Variants in SNRPN observed in about 807,000 individuals in gnomAD.
SNRPN encodes small nuclear ribonucleoprotein-associated protein N.
Under a neutral mutation model 25.2 loss-of-function variants are expected in SNRPN, and 7 were observed. The ratio of observed to expected loss-of-function variants is 0.28; its 90% CI spans 0.16 to 0.52. The LOEUF is 0.52. SNRPN is among the 20% of genes least tolerant of loss of function. The pLI is 0.96. For synonymous variants in SNRPN, 124 were observed against 110.6 expected (o/e 1.12, Z -0.76); for missense variants, 196 against 322.5 (o/e 0.61, Z 3.00).
chr15:24,952,505 T>TA (rs1411420651), upstream of SNRPN, among the ~76,000 whole-genome samples: 1 of 152,192 alleles, frequency 6.6e-6, no homozygotes, highest in Non-Finnish European at 1.5e-5. Flanking sequence ...TATTATTAAC[T>TA]AACATAAAAT....
intron 3 of SNRPN, among the ~76,000 whole-genome samples, chr15:24,934,695 A>G (rs77812651): frequency 0.063 from 9,615 of 152,266 alleles, 382 homozygotes; most frequent in South Asian, 0.095. Context: ...AGCTGGAAGC[A>G]GAGGCGTGTG....
rs2060675572 is a variant in SNRPN, at chr15:24,929,753, G to T, written c.-391+9629G>T. 6.6e-6 allele frequency among the ~76,000 whole-genome samples: 1 copy of T among 152,154 alleles called. No individual in the cohort carries two copies. The highest frequency in any genetic ancestry group is 6.5e-5 in the Admixed American group (1 of 15,274). On this transcript the variant is annotated intron_variant, in intron 3 of 11. Transcript: ENST00000400097. The surrounding 1 kb of genome is among the most constrained non-coding windows in gnomAD (Gnocchi z 5.3). ...GAATGGTAGACAGCATGAGAGCAGG[G>T]TCCATGTGATGATTTTTCTGTCAGT...
intron 2 of SNRPN, among the ~76,000 whole-genome samples, chr15:24,907,696 T>G (rs970328588): frequency 2.0e-4 from 30 of 151,772 alleles, no homozygotes; most frequent in Non-Finnish European, 1.2e-4. Flanking sequence ...TCCTCCCACC[T>G]CGGCCTCCCA....
chr15:24,846,876 A>G (rs2052249104), intron 2 of SNRPN, among the ~76,000 whole-genome samples: 1 of 152,202 alleles, frequency 6.6e-6, no homozygotes, highest in Admixed American at 6.5e-5. Flanking sequence ...AATTGTTAAA[A>G]TGGGAATTTG....
intron 2 of SNRPN, among the ~76,000 whole-genome samples, chr15:24,848,134 C>G (rs1401782682): frequency 1.3e-5 from 2 of 150,412 alleles, no homozygotes; most frequent in Non-Finnish European, 3.0e-5. Flanking sequence ...CCTCACAGGG[C>G]GGCCCGCAGC....
At chr15:24,823,760 C>T (rs2049895901) in exon 1 of SNRPN, 1 of 152,170 alleles carries the variant, frequency 6.6e-6, no homozygotes, top group South Asian at 2.1e-4. Context: ...GGAATGCGGC[C>T]TTTTTGCATA....
At chr15:24,884,290 A>T (rs766930775) in intron 1 of SNRPN, among the ~76,000 whole-genome samples, 4 of 152,106 alleles carry the variant, frequency 2.6e-5, no homozygotes, top group Admixed American at 6.6e-5. Flanking sequence ...GGCATGATGG[A>T]TCCACGGCAC....
intron 2 of SNRPN, among the ~76,000 whole-genome samples, chr15:24,918,662 C>CATAATATATATGTGTGCATATAT (rs2059755648): frequency 1.0e-5 from 1 of 95,422 alleles, no homozygotes; most frequent in Non-Finnish European, 2.0e-5. Context: ...ATATATATAA[C>CATAATATATATGTGTGCATATAT]ATAATATATA....
rs150423983 is a variant in SNRPN at position 24,895,386 on chromosome 15, A to G, written c.-505+8797A>G. 3.4e-4 allele frequency among the ~76,000 whole-genome samples: 45 copies of G among 131,606 alleles called. No individual in the cohort carries two copies. In the East Asian group the frequency reaches 0.011, roughly 31 times the overall value. 86.3% of individuals were successfully genotyped at this position (131,606 alleles called of 152,430 possible). A position where few individuals can be genotyped will look rare whatever the true frequency, so the allele number is the denominator to read the frequency against. On this transcript the variant is annotated intron_variant, in intron 2 of 11. Coordinates refer to the SNRPN transcript ENST00000400097. ...TGAATATATTGTCAGAGCATTACAG[A>G]AAAAATACACCCAAACACACACACA...
intron 1 of SNRPN, among the ~76,000 whole-genome samples, chr15:24,885,983 C>G (rs1472462197): frequency 6.6e-6 from 1 of 152,130 alleles, no homozygotes; most frequent in Non-Finnish European, 1.5e-5. Flanking sequence ...TTTCTGCATT[C>G]TCAGTACATA....
At chr15:24,904,466 C>T (rs1203092091) in intron 2 of SNRPN, among the ~76,000 whole-genome samples, 1 of 152,064 alleles carries the variant, frequency 6.6e-6, no homozygotes, top group Non-Finnish European at 1.5e-5. Context: ...ACCGGCCTGG[C>T]CAACATGGTG....
chr15:24,848,111 C>A lies in SNRPN; in HGVS notation c.-579+18206C>A, dbSNP rs572598059. On this transcript the variant is annotated intron_variant, in intron 2 of 12. Transcript: ENST00000400100. Reference sequence around the variant, plus strand: ...GCGATTCTGAGCGGTGCCTCACAGCCTAGGTCCTCCAACCTCACAGGGCGG... The same window carrying A: ...GCGATTCTGAGCGGTGCCTCACAGCATAGGTCCTCCAACCTCACAGGGCGG... Among the ~76,000 whole-genome samples, 734 of 152,008 alleles carry A rather than the reference C, an allele frequency of 4.8e-3. 5 individuals carry two copies. The highest frequency in any genetic ancestry group is 0.017 in the African/African-American group (714 of 41,488).
In SNRPN at chr15:24,864,187, C is replaced by T. The variant is rs1457712492; in HGVS notation, c.-579+7471C>T. Among the ~76,000 whole-genome samples the T allele has an allele frequency of 9.1e-5, 13 of 142,336 alleles. 1 individual carries two copies. The highest frequency in any genetic ancestry group is 4.3e-4 in the South Asian group (2 of 4,702). 93.4% of individuals were successfully genotyped at this position (142,336 alleles called of 152,430 possible). A position where few individuals can be genotyped will look rare whatever the true frequency, so the allele number is the denominator to read the frequency against. On this transcript the variant is annotated intron_variant, in intron 1 of 11. Coordinates refer to the SNRPN transcript ENST00000400097. ...GACTACAGGCGCCCACCACAACGCC[C>T]GGCTAATTTTTTTTGTATTTTTAGT...
chr15:24,970,081 T>C (rs1336031334), intron 3 of SNRPN, among the ~76,000 whole-genome samples: 10 of 152,120 alleles, frequency 6.6e-5, no homozygotes, highest in Non-Finnish European at 1.5e-4. Flanking sequence ...TAGAAGGTGA[T>C]AAAGAATAGA....
chr15:24,945,541 G>A (rs775988660), intron 3 of SNRPN, among the ~76,000 whole-genome samples: 1 of 151,558 alleles, frequency 6.6e-6, no homozygotes, highest in African/African-American at 2.4e-5. Context: ...ATATAGAAAG[G>A]CCCCATCTCT....
chr15:24,883,703 T>C (rs2056940734), intron 1 of SNRPN, among the ~76,000 whole-genome samples: 2 of 151,808 alleles, frequency 1.3e-5, no homozygotes, highest in African/African-American at 2.4e-5. Context: ...TAGTTACTAC[T>C]AGTATTTATC....
chr15:24,973,225 G>C (rs78475481), intron 3 of SNRPN, among the ~76,000 whole-genome samples: 5,776 of 152,062 alleles, frequency 0.038, 158 homozygotes, highest in Middle Eastern at 0.076. Context: ...AGTGTTCATA[G>C]TATGCAGGAT....
intron 2 of SNRPN, among the ~76,000 whole-genome samples, chr15:24,914,330 C>T (rs1022544617): frequency 4.6e-5 from 7 of 152,154 alleles, no homozygotes; most frequent in African/African-American, 1.7e-4. Flanking sequence ...GGAAAAAGAC[C>T]TTCCATTCCA....
intron 2 of SNRPN, among the ~76,000 whole-genome samples, chr15:24,835,077 AT>A (rs1287767225): frequency 1.4e-5 from 1 of 70,816 alleles, no homozygotes; most frequent in Non-Finnish European, 3.0e-5. Context: ...TAGTATATAT[AT>A]CTATATATAA....
Sources: allele counts gnomAD v4.1 joint callset (sites outside exome capture counted in the v4.1 genomes callset), GRCh38; gene constraint gnomAD v4.1.1; non-coding constraint Gnocchi (gnomAD v3.1); transcripts MANE v1.5; gene names NCBI Gene and HGNC (gene_info 2026-07-23, HGNC 2026-07-21).